CFDP1: variants seen among roughly 807,000 people sequenced by gnomAD.
CFDP1 encodes the protein chromatin remodeling protein CFDP1, also known as heterochromatin-stabilizing protein CFDP1.
Under a neutral mutation model 40.1 loss-of-function variants are expected in CFDP1, and 31 were observed. That is an observed-to-expected ratio of 0.77 (90% CI 0.58 to 1.04). The LOEUF (loss-of-function observed/expected upper bound fraction) is 1.04, where lower values mean the gene tolerates loss of function less well. CFDP1 is among the 50% of genes least tolerant of loss of function. CFDP1 has a pLI of 0.00. For missense variants in CFDP1, 423 were observed against 343.4 expected (o/e 1.23, Z -1.83); for synonymous variants, 167 against 120.0 (o/e 1.39, Z -2.56).
intron 5 of CFDP1, among the ~76,000 whole-genome samples, chr16:75,374,135 C>T (rs2078774036): frequency 6.6e-6 from 1 of 151,928 alleles, no homozygotes; most frequent in South Asian, 2.1e-4. Context: ...TGCCTATAGT[C>T]CCAGCTACTT....
intron 5 of CFDP1, among the ~76,000 whole-genome samples, chr16:75,354,865 A>G (rs1417919354): frequency 6.6e-6 from 1 of 152,222 alleles, no homozygotes; most frequent in Non-Finnish European, 1.5e-5. Context: ...CAAATGTACC[A>G]CTGCCAAATA....
At position 75,303,723 on chromosome 16, in the gene CFDP1, A is replaced by G. The variant is rs958715260; in HGVS notation, c.809+1301T>C. On this transcript the variant is annotated intron_variant, in intron 6 of 6. Coordinates refer to ENST00000283882, the MANE Select transcript of CFDP1 (RefSeq NM_006324.3). ...GCCTTTATGTGACAGGTGTTCTGTA[A>G]AGTGCTTTATGTATATTACATATAC... Among the ~76,000 whole-genome samples, 29 of 152,178 alleles carry G rather than the reference A, an allele frequency of 1.9e-4. 1 individual carries two copies. The highest frequency in any genetic ancestry group is 7.0e-4 in the African/African-American group (29 of 41,446).
chr16:75,392,721 T>C (rs1376782638), intron 5 of CFDP1, among the ~76,000 whole-genome samples: 1 of 152,174 alleles, frequency 6.6e-6, no homozygotes, highest in East Asian at 1.9e-4. Context: ...TGGAAAACAG[T>C]ATTTACTCCT....
intron 6 of CFDP1, among the ~76,000 whole-genome samples, chr16:75,304,690 A>G (rs758203600): frequency 4.6e-5 from 7 of 152,360 alleles, no homozygotes; most frequent in African/African-American, 1.7e-4. Flanking sequence ...AATGATTCAG[A>G]TAAGGCCAAG....
chr16:75,305,328 G>T, intron 5 of CFDP1, 146 bp from the exon 6 acceptor site: 1 of 739,684 alleles, frequency 1.4e-6, no homozygotes, highest in Non-Finnish European at 2.2e-6. Flanking sequence ...TTCCTTCCTG[G>T]TGTGGAGAGC....
rs2079165474 is a variant in CFDP1 at position 75,411,847 on chromosome 16, C to G, written c.508G>C (p.Asp170His). The G allele has an allele frequency of 3.1e-6, 5 of 1,608,944 alleles. No homozygotes were observed. ...TEKVKITKVF[D>H]FAGEEVRVTK... ...TACCTTACTTCTTCACCAGCAAAAT[C>G]AAACACCTTGGTGATTTTAACTTTT... The change falls in exon 4 of 7, where the codon GAT (aspartate) becomes CAT (histidine). Residue 170 changes from aspartate (D) to histidine (H), a missense_variant. By Grantham distance (81) the Asp-to-His change is moderately conservative. Transcript: ENST00000283882.
intron 5 of CFDP1, among the ~76,000 whole-genome samples, chr16:75,345,121 T>C (rs2151522276): frequency 6.7e-6 from 1 of 149,870 alleles, no homozygotes; most frequent in East Asian, 2.0e-4. Context: ...AGCCCAAGAG[T>C]TTGAGACCAG....
chr16:75,404,391 T>C (rs1036396108), intron 4 of CFDP1, among the ~76,000 whole-genome samples: 1 of 151,692 alleles, frequency 6.6e-6, no homozygotes, highest in Non-Finnish European at 1.5e-5. Flanking sequence ...CCAGCTAATT[T>C]TTTGTATTTT....
Position 75,433,419 on chromosome 16 carries a change from A to G in CFDP1, c.-67T>C. 6.7e-7 allele frequency: 1 copy of G among 1,492,338 alleles called. No individual in the cohort carries two copies. The highest frequency in any genetic ancestry group is 9.1e-7 in the Non-Finnish European group (1 of 1,098,914). The allele number at this position is 1,492,338 out of a possible 1,614,324, so 92.4% of individuals were successfully genotyped here. ...CAGCCGCCTCCAACGGCAAAGCTCT[A>G]GGGAGAGACCATAGAGCCCCGGCGG... is the stretch of plus-strand genomic sequence containing the variant. On this transcript the variant is annotated 5_prime_UTR_variant, in exon 1 of 7. An upstream open reading frame in the 5' UTR loses its in-frame stop. Coordinates refer to ENST00000283882, the MANE Select transcript of CFDP1 (RefSeq NM_006324.3).
intron 5 of CFDP1, among the ~76,000 whole-genome samples, chr16:75,360,732 C>T (rs1027866382): frequency 6.6e-6 from 1 of 152,136 alleles, no homozygotes; most frequent in Non-Finnish European, 1.5e-5. Context: ...TATATTTTAT[C>T]TCTTAAGATG....
chr16:75,430,895 A>C (rs1170502230), intron 1 of CFDP1, among the ~76,000 whole-genome samples: 5 of 152,220 alleles, frequency 3.3e-5, no homozygotes, highest in Non-Finnish European at 7.3e-5. Context: ...AGGCAGGTTC[A>C]GCCCCCACTT....
At chr16:75,303,400 A>ATGT (rs1555552218) in intron 6 of CFDP1, among the ~76,000 whole-genome samples, 4 of 146,168 alleles carry the variant, frequency 2.7e-5, no homozygotes, top group Non-Finnish European at 6.0e-5. Context: ...TAAATAAATA[A>ATGT]ATGTATGTAT....
At chr16:75,431,114 G>A (rs2079408588) in intron 1 of CFDP1, among the ~76,000 whole-genome samples, 1 of 151,936 alleles carries the variant, frequency 6.6e-6, no homozygotes, top group African/African-American at 2.4e-5. Flanking sequence ...TATAACATAC[G>A]GTTCAGCTGT....
At chr16:75,343,278 T>C (rs9938936) in intron 5 of CFDP1, among the ~76,000 whole-genome samples, 33,528 of 151,696 alleles carry the variant, frequency 0.22, 4,191 homozygotes, top group African/African-American at 0.34. Context: ...AAAATGCTGC[T>C]GGCACTAGAT....
intron 5 of CFDP1, among the ~76,000 whole-genome samples, chr16:75,323,858 A>T (rs566981510): frequency 3.3e-4 from 50 of 152,124 alleles, no homozygotes; most frequent in Non-Finnish European, 6.5e-4. Flanking sequence ...GACTGGCAGC[A>T]TGGTAGGTTT....
At chr16:75,323,281 C>T (rs2151510915) in intron 5 of CFDP1, among the ~76,000 whole-genome samples, 1 of 151,724 alleles carries the variant, frequency 6.6e-6, no homozygotes, top group South Asian at 2.1e-4. Context: ...TACACAGGGT[C>T]AGGATCATCA....
intron 5 of CFDP1, among the ~76,000 whole-genome samples, chr16:75,353,243 T>A (rs1230750888): frequency 6.6e-6 from 1 of 152,226 alleles, no homozygotes; most frequent in African/African-American, 2.4e-5. Context: ...ATTAGATATT[T>A]AAACACTGAC....
Position 75,411,900 on chromosome 16 carries a change from T to G in CFDP1, c.455A>C (p.Glu152Ala). ...TSSSKLLVKAEELEKPKETEK... is the reference protein window; with the variant it reads ...TSSSKLLVKAAELEKPKETEK... ...TGTTTCTTTAGGTTTCTCTAGCTCT[T>G]CTGCTTTTACCAACAATTTACTTGA... Residue 152 changes from glutamate (E) to alanine (A), a missense_variant, in exon 4 of 7, where the codon GAA becomes GCA. Transcript: ENST00000283882. 3 of 1,612,350 alleles carry G rather than the reference T, an allele frequency of 1.9e-6. No individual in the cohort carries two copies. The highest frequency in any genetic ancestry group is 2.5e-6 in the Non-Finnish European group (3 of 1,179,626).
In CFDP1 at chr16:75,433,475, G is replaced by A. The variant is rs990063066; in HGVS notation, c.-123C>T. On this transcript the variant is annotated 5_prime_UTR_variant, in exon 1 of 7. Transcript: ENST00000283882. ...ACGGCAGCTAGGGCGGCCCCCGACA[G>A]CGCTTTGCACATGCGCAGAGAGTAC... The A allele has an allele frequency of 2.6e-5, 23 of 872,646 alleles. No individual in the cohort carries two copies. The Admixed American group carries it at 2.7e-4, about 10-fold the overall frequency. The allele number at this position is 872,646 out of a possible 1,614,324, so 54.1% of individuals were successfully genotyped here.
Sources: gnomAD v4.1 joint callset for allele counts (sites outside exome capture counted in the v4.1 genomes callset) on GRCh38, gnomAD v4.1.1 for gene constraint, MANE v1.5 for transcripts, NCBI Gene and HGNC (gene_info 2026-07-23, HGNC 2026-07-21) for gene names.